The following GSE1 variants were observed in gnomAD, a reference collection of about 807,000 sequenced individuals.
The protein encoded by GSE1 is genetic suppressor element 1.
In GSE1, 32 loss-of-function variants were observed where a neutral mutation model predicts 112.6. That is an observed-to-expected ratio of 0.28 (90% CI 0.21 to 0.38). The LOEUF is 0.38. Among genes scored for constraint, GSE1 ranks in the 10% least tolerant of loss-of-function variants. The pLI is 1.00. For missense variants in GSE1, 2,348 were observed against 1,699.2 expected (o/e 1.38, Z -6.71); for synonymous variants, 1,115 against 735.6 (o/e 1.52, Z -8.35).
intron 1 of GSE1, among the ~76,000 whole-genome samples, chr16:85,281,984 C>G (rs566100579): frequency 6.6e-6 from 1 of 151,794 alleles, no homozygotes; most frequent in Non-Finnish European, 1.5e-5. Flanking sequence ...CAGATGGTGC[C>G]GGGTGCCACA....
chr16:85,398,497 C>A (rs932794839), intron 2 of GSE1, among the ~76,000 whole-genome samples: 1 of 152,078 alleles, frequency 6.6e-6, no homozygotes, highest in African/African-American at 2.4e-5. Context: ...ACTGGGGATA[C>A]CCCTGCAACC....
At chr16:85,178,520 G>T (rs1417862440) in intron 1 of GSE1, among the ~76,000 whole-genome samples, 1 of 152,122 alleles carries the variant, frequency 6.6e-6, no homozygotes, top group African/African-American at 2.4e-5. Context: ...TCTGAGGGGT[G>T]GTCCCGGGCC....
intron 1 of GSE1, among the ~76,000 whole-genome samples, chr16:85,220,545 C>A (rs2075373005): frequency 6.6e-6 from 1 of 152,236 alleles, no homozygotes; most frequent in Non-Finnish European, 1.5e-5. Context: ...TTTTCAATGA[C>A]TTTGGTCGTC....
rs544850224 is a variant in GSE1, at chr16:85,316,025, C to T, written c.2284-41438C>T. ...TTTCCTCTGGCCGCTCCTGCGTCAG[C>T]GCTCAGAGCCATCGAATGTCCCACC... On this transcript the variant is annotated intron_variant, in intron 1 of 2. Coordinates refer to the GSE1 transcript ENST00000637419. Among the ~76,000 whole-genome samples, 62 of 152,328 alleles carry T rather than the reference C, an allele frequency of 4.1e-4. 1 individual carries two copies. Among genetic ancestry groups the T allele is most frequent in the East Asian group, 1.9e-3 (10 of 5,164 alleles).
chr16:85,205,927 T>C (rs1191458669), intron 1 of GSE1, among the ~76,000 whole-genome samples: 1 of 152,198 alleles, frequency 6.6e-6, no homozygotes, highest in Non-Finnish European at 1.5e-5. Context: ...AGAAACGTGG[T>C]GTGCAAAGCC....
At chr16:85,335,135 C>T (rs998017804) in intron 1 of GSE1, among the ~76,000 whole-genome samples, 11 of 152,258 alleles carry the variant, frequency 7.2e-5, no homozygotes, top group African/African-American at 2.4e-4. Context: ...TCCTGTTAAT[C>T]GCTCATGTTG....
At chr16:85,501,698 C>T (rs200839012) in intron 2 of GSE1, among the ~76,000 whole-genome samples, 2 of 152,222 alleles carry the variant, frequency 1.3e-5, no homozygotes, top group East Asian at 3.9e-4. Flanking sequence ...CTTGCCAAAA[C>T]TTCAGCATAT....
chr16:85,371,094 G>A (rs185192340), intron 2 of GSE1, among the ~76,000 whole-genome samples: 7 of 152,290 alleles, frequency 4.6e-5, no homozygotes, highest in Middle Eastern at 3.4e-3. Context: ...AGCCGGAGGC[G>A]TCCTCTTCTC....
intron 2 of GSE1, chr16:85,489,697 C>G (rs975019783): frequency 1.3e-5 from 2 of 152,252 alleles, no homozygotes; most frequent in African/African-American, 4.8e-5. Flanking sequence ...CCCGTCTGAA[C>G]TGGGGTGAAT....
chr16:85,589,843 C>T (rs532697930), intron 1 of GSE1, among the ~76,000 whole-genome samples: 2 of 151,476 alleles, frequency 1.3e-5, no homozygotes, highest in Non-Finnish European at 2.9e-5. Context: ...TGTGTGTGAA[C>T]ATGTGTGAGA....
At chr16:85,392,954 C>G (rs1190093339) in intron 2 of GSE1, among the ~76,000 whole-genome samples, 1 of 152,232 alleles carries the variant, frequency 6.6e-6, no homozygotes, top group Non-Finnish European at 1.5e-5. Context: ...TGAGGTTCCT[C>G]TCATCCTCTC....
exon 2 of GSE1, chr16:85,357,631 C>T: frequency 1.6e-6 from 2 of 1,288,760 alleles, no homozygotes; most frequent in Non-Finnish European, 2.0e-6. Context: ...CGGACCAGAC[C>T]TTACTGGTGC....
rs985875857 is a variant in GSE1, at chr16:85,662,840, T to G, written c.2261-141T>G. ...GGTTAATGTTGGTTTCCACCTCGGTTGAAAGGAACTGGCCTTCAGGGTGTT... is the reference window on the plus strand; with the variant it reads ...GGTTAATGTTGGTTTCCACCTCGGTGGAAAGGAACTGGCCTTCAGGGTGTT... On this transcript the variant is annotated intron_variant, in intron 9 of 15. Transcript: ENST00000253458. 82 of 622,852 alleles carry G rather than the reference T, an allele frequency of 1.3e-4. No individual in the cohort carries two copies. In the African/African-American group the frequency reaches 1.4e-3, roughly 10 times the overall value. The allele number at this position is 622,852 out of a possible 1,614,324, so 38.6% of individuals were successfully genotyped here. A position where few individuals can be genotyped will look rare whatever the true frequency, so the allele number is the denominator to read the frequency against.
intron 1 of GSE1, among the ~76,000 whole-genome samples, chr16:85,603,908 C>T (rs1408923191): frequency 6.6e-6 from 1 of 152,120 alleles, no homozygotes; most frequent in Non-Finnish European, 1.5e-5. Flanking sequence ...TAATATGCAG[C>T]CCTCGTCTCT....
chr16:85,227,279 T>C (rs1371675476), intron 1 of GSE1, among the ~76,000 whole-genome samples: 1 of 152,146 alleles, frequency 6.6e-6, no homozygotes, highest in Admixed American at 6.5e-5. Flanking sequence ...ATGGAGAAGA[T>C]GGTTAGTCAT....
Position 85,492,958 on chromosome 16 carries a change from C to T in GSE1, c.2464+135315C>T, listed in dbSNP as rs79492091. ...TGTGTGTGTTGGGGTTGGCGATACA[C>T]GTCCTGAGAGTATGTGATCGGTCTG... On this transcript the variant is annotated intron_variant, in intron 2 of 2. Transcript: ENST00000637419. 2.3e-3 allele frequency among the ~76,000 whole-genome samples: 347 copies of T among 152,312 alleles called. 14 individuals are homozygous for T. The East Asian group carries it at 0.062, about 27-fold the overall frequency.
intron 1 of GSE1, among the ~76,000 whole-genome samples, chr16:85,297,069 G>T (rs2045388901): frequency 6.6e-6 from 1 of 152,244 alleles, no homozygotes; most frequent in South Asian, 2.1e-4. Context: ...TGTGGGGCAA[G>T]GGGGATTGAG....
intron 1 of GSE1, among the ~76,000 whole-genome samples, chr16:85,226,242 T>C (rs1045747914): frequency 6.6e-6 from 1 of 152,176 alleles, no homozygotes; most frequent in Admixed American, 6.5e-5. Flanking sequence ...CTGGATGAAA[T>C]GGGGTAACAC....
chr16:85,642,986 G>A (rs1440475309), intron 2 of GSE1, among the ~76,000 whole-genome samples: 4 of 152,146 alleles, frequency 2.6e-5, no homozygotes, highest in Non-Finnish European at 5.9e-5. Context: ...CTTAAAGACC[G>A]ATGACTCTTC....
Sources: allele counts gnomAD v4.1 joint callset (sites outside exome capture counted in the v4.1 genomes callset), GRCh38; gene constraint gnomAD v4.1.1; transcripts MANE v1.5; gene names NCBI Gene and HGNC (gene_info 2026-07-23, HGNC 2026-07-21).